Variants in ATP8A2 observed in about 807,000 individuals in gnomAD.
ATP8A2 encodes ATPase phospholipid transporting 8A2.
ATP8A2 carries 100 observed loss-of-function variants against 165.6 expected under a neutral mutation model. The observed-to-expected ratio is 0.60, with a 90% confidence interval of 0.51 to 0.71. The LOEUF (loss-of-function observed/expected upper bound fraction) is 0.71. Ranked by LOEUF, ATP8A2 falls within the 30% of genes least tolerant of loss-of-function variation. The pLI, the probability that ATP8A2 is intolerant of heterozygous loss-of-function variation, is 0.00. For missense variants in ATP8A2, 1,227 were observed against 1,479.5 expected, an observed-to-expected ratio of 0.83 and a Z score of 2.80; for synonymous variants, 543 against 548.8, an observed-to-expected ratio of 0.99 and a Z score of 0.15.
chr13:25,858,838 A>C (rs1952248040), intron 30 of ATP8A2, among the ~76,000 whole-genome samples: 1 of 152,226 alleles, frequency 6.6e-6, no homozygotes, highest in Non-Finnish European at 1.5e-5. Flanking sequence ...TTGAGTACAC[A>C]TGAACATAAA....
chr13:25,627,009 A>G (rs1164959541), intron 24 of ATP8A2, among the ~76,000 whole-genome samples: 1 of 152,118 alleles, frequency 6.6e-6, no homozygotes, highest in Non-Finnish European at 1.5e-5. Flanking sequence ...TCCCTCCCAC[A>G]ACACGTGGGA....
chr13:25,751,003 G>A (rs756922776), intron 25 of ATP8A2, among the ~76,000 whole-genome samples: 29 of 152,180 alleles, frequency 1.9e-4, no homozygotes, highest in African/African-American at 6.0e-4. Context: ...AAAGGCGCCC[G>A]TGGGCTCACA....
At chr13:25,491,176 A>C (rs2036518457) in intron 2 of ATP8A2, among the ~76,000 whole-genome samples, 2 of 151,438 alleles carry the variant, frequency 1.3e-5, no homozygotes, top group Admixed American at 6.6e-5. Context: ...GACTTGATTT[A>C]TTTCTTTTAA....
At chr13:25,984,229 A>C (rs2139266209) in intron 35 of ATP8A2, among the ~76,000 whole-genome samples, 1 of 146,490 alleles carries the variant, frequency 6.8e-6, no homozygotes, top group Admixed American at 7.3e-5. Context: ...AGAGCAAGAA[A>C]CCGTCTCAAA....
At chr13:25,442,564 C>T (rs1467434206) in intron 1 of ATP8A2, among the ~76,000 whole-genome samples, 2 of 152,128 alleles carry the variant, frequency 1.3e-5, no homozygotes, top group Non-Finnish European at 2.9e-5. Flanking sequence ...TGGGTGCACA[C>T]CACCGTACCT....
At chr13:25,817,391 C>T (rs1284392026) in intron 27 of ATP8A2, among the ~76,000 whole-genome samples, 3 of 150,816 alleles carry the variant, frequency 2.0e-5, no homozygotes, top group South Asian at 2.1e-4. Flanking sequence ...ACCTGATGTT[C>T]CATAGAGTAA....
chr13:25,907,713 A>G (rs1257752415), intron 33 of ATP8A2, among the ~76,000 whole-genome samples: 1 of 152,148 alleles, frequency 6.6e-6, no homozygotes, highest in African/African-American at 2.4e-5. Context: ...CATCTTTGCC[A>G]TCACAGGCTT....
chr13:25,641,041 A>G (rs1488421460), intron 24 of ATP8A2, among the ~76,000 whole-genome samples: 4 of 152,236 alleles, frequency 2.6e-5, no homozygotes, highest in Non-Finnish European at 5.9e-5. Flanking sequence ...AAAGCCGTTG[A>G]CAAAATTCAA....
intron 29 of ATP8A2, among the ~76,000 whole-genome samples, chr13:25,837,782 T>C (rs940040393): frequency 1.3e-5 from 2 of 151,786 alleles, no homozygotes; most frequent in South Asian, 2.1e-4. Context: ...ATCACATGAG[T>C]TGCAGGGGAT....
chr13:25,705,104 T>C, intron 25 of ATP8A2: 1 of 398,578 alleles, frequency 2.5e-6, no homozygotes. Context: ...TTCAATATGT[T>C]CAAGAAAGAG....
At chr13:25,719,760 G>A (rs1332666461) in intron 25 of ATP8A2, among the ~76,000 whole-genome samples, 1 of 152,220 alleles carries the variant, frequency 6.6e-6, no homozygotes, top group Non-Finnish European at 1.5e-5. Flanking sequence ...TGAACACAGA[G>A]CAGAATTAAG....
chr13:25,491,945 C>A (rs909127102), intron 2 of ATP8A2, among the ~76,000 whole-genome samples: 2 of 152,124 alleles, frequency 1.3e-5, no homozygotes. Flanking sequence ...GATCAAAATT[C>A]AAGTTGTTAC....
chr13:25,427,381 G>T (rs1395908489), intron 1 of ATP8A2, among the ~76,000 whole-genome samples: 1 of 151,918 alleles, frequency 6.6e-6, no homozygotes, highest in East Asian at 1.9e-4. Flanking sequence ...CTACATTATG[G>T]TGATTTGCAT....
intron 1 of ATP8A2, among the ~76,000 whole-genome samples, chr13:25,412,133 A>G (rs1466886167): frequency 6.6e-6 from 1 of 152,182 alleles, no homozygotes; most frequent in African/African-American, 2.4e-5. Context: ...TCTCAGAGAC[A>G]GGCAGGCATC....
At chr13:25,834,148 A>G (rs1356189693) in intron 28 of ATP8A2, among the ~76,000 whole-genome samples, 5 of 152,250 alleles carry the variant, frequency 3.3e-5, no homozygotes, top group Non-Finnish European at 7.3e-5. Flanking sequence ...ATAACCAACA[A>G]TTGTATGAAA....
At chr13:26,007,468 G>T (rs975065992) in intron 35 of ATP8A2, among the ~76,000 whole-genome samples, 1 of 152,148 alleles carries the variant, frequency 6.6e-6, no homozygotes, top group African/African-American at 2.4e-5. Context: ...TTGTTCCTAA[G>T]GATAGCAAGA....
rs552147928 is a variant in ATP8A2 at position 25,791,176 on chromosome 13, A to G, written c.2679+16217A>G. Among the ~76,000 whole-genome samples the G allele has an allele frequency of 8.7e-4, 132 of 152,362 alleles. 1 individual carries two copies. Among genetic ancestry groups the G allele is most frequent in the African/African-American group, 2.8e-3 (117 of 41,592 alleles). ...ATAGACTGGATAAAGAAAATGTGGT[A>G]CATATACACCATGGGATACTATGCA... On this transcript the variant is annotated intron_variant, in intron 27 of 36. Transcript: ENST00000381655.
intron 24 of ATP8A2, among the ~76,000 whole-genome samples, chr13:25,689,045 G>C (rs1056350004): frequency 2.0e-5 from 3 of 152,216 alleles, no homozygotes; most frequent in Non-Finnish European, 4.4e-5. Context: ...ATTTTTCTAA[G>C]AGTCAAAGGG....
At chr13:25,958,017 C>G (rs993441142) in intron 33 of ATP8A2, among the ~76,000 whole-genome samples, 2 of 151,862 alleles carry the variant, frequency 1.3e-5, no homozygotes, top group African/African-American at 4.8e-5. Flanking sequence ...GGTTAGTTAG[C>G]AAACTAACAC....
Sources: gnomAD v4.1 joint callset for allele counts (sites outside exome capture counted in the v4.1 genomes callset) on GRCh38, gnomAD v4.1.1 for gene constraint, MANE v1.5 for transcripts, NCBI Gene and HGNC (gene_info 2026-07-23, HGNC 2026-07-21) for gene names.